NFATC1: variants seen among roughly 807,000 people sequenced by gnomAD.
NFATC1 encodes the protein nuclear factor of activated T-cells, cytoplasmic 1.
Under a neutral mutation model 76.0 loss-of-function variants are expected in NFATC1, and 22 were observed. The observed-to-expected ratio is 0.29, with a 90% CI of 0.21 to 0.41. The LOEUF is 0.41. Ranked by LOEUF, NFATC1 falls within the 10% of genes least tolerant of loss-of-function variation. NFATC1 has a pLI of 1.00. For missense variants in NFATC1, 1,357 were observed against 1,337.7 expected, an observed-to-expected ratio of 1.01 and a Z score of -0.23; for synonymous variants, 704 against 613.1, an observed-to-expected ratio of 1.15 and a Z score of -2.19.
intron 7 of NFATC1, among the ~76,000 whole-genome samples, chr18:79,464,193 G>A (rs1265005835): frequency 6.6e-6 from 1 of 152,104 alleles, no homozygotes. Context: ...AGGTTCAAGC[G>A]ATTCTCATGC....
chr18:79,415,225 G>C (rs1234454176), intron 2 of NFATC1, among the ~76,000 whole-genome samples: 2 of 152,192 alleles, frequency 1.3e-5, no homozygotes, highest in Non-Finnish European at 2.9e-5. Flanking sequence ...GAGGTATTTT[G>C]ACTGAATTTA....
chr18:79,504,196 C>T (rs531785493), intron 9 of NFATC1, among the ~76,000 whole-genome samples: 2 of 152,320 alleles, frequency 1.3e-5, no homozygotes, highest in South Asian at 2.1e-4. Flanking sequence ...GTTGGACTGG[C>T]GCGGGAGGCT....
At chr18:79,418,086 G>A (rs150539100) in intron 2 of NFATC1, among the ~76,000 whole-genome samples, 7 of 152,248 alleles carry the variant, frequency 4.6e-5, no homozygotes, top group African/African-American at 1.7e-4. Context: ...CCATGGGGTG[G>A]GTGGAGCCCC....
chr18:79,398,676 C>T (rs558643942), intron 1 of NFATC1, among the ~76,000 whole-genome samples: 5 of 152,346 alleles, frequency 3.3e-5, no homozygotes, highest in East Asian at 1.9e-4. Flanking sequence ...CACCAGCAGG[C>T]GGGACAGTTT....
At chr18:79,416,543 C>G (rs1254341539) in intron 2 of NFATC1, among the ~76,000 whole-genome samples, 5 of 152,230 alleles carry the variant, frequency 3.3e-5, no homozygotes, top group Admixed American at 3.3e-4. Context: ...GTACCGAACC[C>G]CAGCATAGCG....
Position 79,479,906 on chromosome 18 carries a change from G to A in NFATC1, c.2093-6342G>A, listed in dbSNP as rs541906663. Among the ~76,000 whole-genome samples, 217 of 152,342 alleles carry A rather than the reference G, an allele frequency of 1.4e-3. 3 individuals are homozygous for A. The highest frequency in any genetic ancestry group is 8.1e-3 in the Admixed American group (124 of 15,308). On this transcript the variant is annotated intron_variant, in intron 8 of 9. Coordinates refer to ENST00000427363, the MANE Select transcript of NFATC1 (RefSeq NM_001278669.2). ...AGCAGCTGGGATGGCACAAGACGCC[G>A]CTGCCAGGGCTGAGAAACCATCCGG... is the stretch of plus-strand genomic sequence containing the variant.
In NFATC1 at chr18:79,410,034, C is replaced by T. The variant is rs969446436; in HGVS notation, c.128-369C>T. The stretch of plus-strand genomic sequence containing the variant: ...AACCCGTGAGGACCCAGTCGCCTCT[C>T]TCTGGGAAGGACGTTCGGATGAAGA... On this transcript the variant is annotated intron_variant, in intron 1 of 9. Transcript: ENST00000427363. This position sits in a 1 kb window ranked among gnomAD's most constrained non-coding sequence, Gnocchi z 6.7. 6 of 595,912 alleles carry T rather than the reference C, an allele frequency of 1.0e-5. No individual in the cohort carries two copies. The highest frequency in any genetic ancestry group is 7.3e-5 in the African/African-American group (4 of 54,722). 36.9% of individuals were successfully genotyped at this position (595,912 alleles called of 1,614,324 possible).
chr18:79,528,274 G>A lies in NFATC1; in HGVS notation c.*697G>A, dbSNP rs1301974500. 1 of 223,280 alleles carries A rather than the reference G, an allele frequency of 4.5e-6. No homozygotes were observed. Among genetic ancestry groups the A allele is most frequent in the Non-Finnish European group, 8.7e-6 (1 of 115,240 alleles). The allele number at this position is 223,280 out of a possible 1,614,324, so 13.8% of individuals were successfully genotyped here. ...TGCTCGCATCTTTGTTTTTAATCTG[G>A]CTTCGAACATAGCACAAGTAACTTG... is the stretch of plus-strand genomic sequence containing the variant. On this transcript the variant is annotated 3_prime_UTR_variant, in exon 10 of 10. Transcript: ENST00000427363.
Position 79,406,445 on chromosome 18 carries a change from A to G in NFATC1, c.128-3958A>G, listed in dbSNP as rs964244407. ...AGGCTGGGCCCCCGTGATCGGATCC[A>G]CGCTGCCATCGTGTTCCCTCAGTTC... On this transcript the variant is annotated intron_variant, in intron 1 of 9. Coordinates refer to ENST00000427363, the MANE Select transcript of NFATC1 (RefSeq NM_001278669.2). 2.0e-5 allele frequency among the ~76,000 whole-genome samples: 3 copies of G among 152,022 alleles called. No homozygotes were observed. In the East Asian group the frequency reaches 5.8e-4, roughly 29 times the overall value.
chr18:79,514,593 C>CA (rs1339035557), intron 9 of NFATC1, among the ~76,000 whole-genome samples: 2 of 123,642 alleles, frequency 1.6e-5, no homozygotes, highest in Non-Finnish European at 3.4e-5. Context: ...AAAAAAAAAC[C>CA]AATCTCACTC....
chr18:79,469,615 C>T, intron 8 of NFATC1: 1 of 986,018 alleles, frequency 1.0e-6, no homozygotes, highest in Non-Finnish European at 1.2e-6. Context: ...TCCTGCACCC[C>T]CTGCCCAGTG....
chr18:79,456,904 G>A (rs995598256), intron 6 of NFATC1, among the ~76,000 whole-genome samples: 2 of 152,256 alleles, frequency 1.3e-5, no homozygotes, highest in African/African-American at 2.4e-5. Context: ...CAGCCTCCCT[G>A]TGTGGAGCAG....
intron 9 of NFATC1, among the ~76,000 whole-genome samples, chr18:79,499,042 G>A (rs1300034077): frequency 1.3e-5 from 2 of 152,334 alleles, no homozygotes; most frequent in Middle Eastern, 3.4e-3. Context: ...GAGGTAAGAA[G>A]CACTGGTGAG....
intron 1 of NFATC1, among the ~76,000 whole-genome samples, chr18:79,401,516 G>T (rs952961042): frequency 1.3e-5 from 2 of 152,232 alleles, no homozygotes; most frequent in Non-Finnish European, 2.9e-5. Flanking sequence ...ATGAGGGTGG[G>T]AGAGAGACCC....
intron 8 of NFATC1, among the ~76,000 whole-genome samples, chr18:79,474,008 A>C (rs1469655968): frequency 7.9e-6 from 1 of 126,720 alleles, no homozygotes; most frequent in Non-Finnish European, 1.6e-5. Context: ...TTTCACACTC[A>C]CTGTCGACGT....
intron 9 of NFATC1, among the ~76,000 whole-genome samples, chr18:79,495,805 C>T (rs2089864928): frequency 6.6e-6 from 1 of 151,662 alleles, no homozygotes; most frequent in African/African-American, 2.4e-5. Context: ...GTGAACAGTA[C>T]TAAGGCGTTC....
At chr18:79,502,206 C>T (rs544365610) in intron 9 of NFATC1, among the ~76,000 whole-genome samples, 30 of 152,264 alleles carry the variant, frequency 2.0e-4, no homozygotes, top group African/African-American at 4.8e-4. Flanking sequence ...CTTATGTCTG[C>T]GGTAAATTGA....
At position 79,486,809 on chromosome 18, in the gene NFATC1, A is replaced by T; in HGVS notation, c.2654A>T (p.Asp885Val). ...PQHLPSTVRR[D>V]ESPTAGPRLL... is the part of the protein sequence containing the mutation. ...CACCTGCCGTCCACGGTCCGCAGGG[A>T]CGAGTCTCCGACTGCCGGGCCACGG... Residue 885 changes from aspartate to valine, a missense_variant, in exon 9 of 10, where the codon GAC becomes GTC. Asp to Val is a radical substitution (Grantham distance 152, BLOSUM62 -3). Around this residue, in one of 3 missense-constraint regions of NFATC1, gnomAD observed 424 missense variants for 395.4 expected, o/e 1.07. Transcript: ENST00000427363. 6.2e-6 allele frequency: 10 copies of T among 1,611,424 alleles called. No homozygotes were observed. Among genetic ancestry groups the T allele is most frequent in the Non-Finnish European group, 8.5e-6 (10 of 1,179,334 alleles).
chr18:79,396,157 G>C lies in NFATC1; in HGVS notation c.-68G>C. ...GCTGTCTTCCCGGAGACCCGACCCC[G>C]GCAGCGCGGGGCGGCCGCTTCTCCT... is the stretch of plus-strand genomic sequence containing the variant. On this transcript the variant is annotated 5_prime_UTR_variant, in exon 1 of 10. Coordinates refer to ENST00000427363, the MANE Select transcript of NFATC1 (RefSeq NM_001278669.2). 1 of 1,357,326 alleles carries C rather than the reference G, an allele frequency of 7.4e-7. No individual in the cohort carries two copies. The allele number at this position is 1,357,326 out of a possible 1,614,324, so 84.1% of individuals were successfully genotyped here. A position where few individuals can be genotyped will look rare whatever the true frequency, so the allele number is the denominator to read the frequency against.
Sources: allele counts gnomAD v4.1 joint callset (sites outside exome capture counted in the v4.1 genomes callset), GRCh38; gene constraint gnomAD v4.1.1; regional missense constraint gnomAD v4.1.1; non-coding constraint Gnocchi (gnomAD v3.1); transcripts MANE v1.5; gene names NCBI Gene and HGNC (gene_info 2026-07-23, HGNC 2026-07-21).